The following ZNRF1 variants were observed in gnomAD, a reference collection of about 807,000 sequenced individuals.
The protein encoded by ZNRF1 is zinc and ring finger 1.
Under a neutral mutation model 18.4 loss-of-function variants are expected in ZNRF1, and 3 were observed. That is an observed-to-expected ratio of 0.16 (90% CI 0.07 to 0.42). The LOEUF (loss-of-function observed/expected upper bound fraction) is 0.42, where lower values mean the gene tolerates loss of function less well. ZNRF1 is among the 10% of genes least tolerant of loss of function. The pLI is 0.99. For synonymous variants in ZNRF1, 157 were observed against 144.2 expected (o/e 1.09, Z -0.64); for missense variants, 310 against 329.8 (o/e 0.94, Z 0.47).
intron 2 of ZNRF1, among the ~76,000 whole-genome samples, chr16:75,102,187 C>T (rs1314092024): frequency 2.0e-5 from 3 of 152,132 alleles, no homozygotes; most frequent in African/African-American, 7.2e-5. Flanking sequence ...GAAGAATCTT[C>T]ATTTTATGGG....
At chr16:75,049,123 G>C (rs1311529272) in intron 1 of ZNRF1, among the ~76,000 whole-genome samples, 1 of 151,754 alleles carries the variant, frequency 6.6e-6, no homozygotes, top group East Asian at 1.9e-4. Context: ...TCCTGCCTCA[G>C]CCTCCTGAAT....
chr16:75,002,935 AG>A (rs1784505941), intron 1 of ZNRF1, among the ~76,000 whole-genome samples: 1 of 152,166 alleles, frequency 6.6e-6, no homozygotes. Context: ...TATTCTCTCC[AG>A]TCACTCACCT....
intron 1 of ZNRF1, among the ~76,000 whole-genome samples, chr16:75,007,573 A>T (rs1167240013): frequency 7.9e-5 from 12 of 152,210 alleles, no homozygotes; most frequent in Admixed American, 7.9e-4. Flanking sequence ...AAAGAGGCAG[A>T]TAAAAACAAG....
intron 1 of ZNRF1, among the ~76,000 whole-genome samples, chr16:75,081,273 A>T (rs953117010): frequency 2.6e-5 from 4 of 152,202 alleles, no homozygotes; most frequent in African/African-American, 9.7e-5. Flanking sequence ...CTGTTTTTCT[A>T]GGAAGGTCTT....
chr16:75,071,126 G>A (rs2035865265), intron 1 of ZNRF1, among the ~76,000 whole-genome samples: 1 of 147,926 alleles, frequency 6.8e-6, no homozygotes, highest in African/African-American at 2.5e-5. Context: ...TTGAGACTGA[G>A]TCTTGCTCTG....
At chr16:75,033,959 C>A (rs1166209315) in intron 1 of ZNRF1, among the ~76,000 whole-genome samples, 2 of 148,118 alleles carry the variant, frequency 1.4e-5, no homozygotes, top group East Asian at 4.1e-4. Context: ...CCAGTCTGGG[C>A]AACATGGTGA....
chr16:75,038,699 T>C (rs1424799789), intron 1 of ZNRF1, among the ~76,000 whole-genome samples: 2 of 152,214 alleles, frequency 1.3e-5, no homozygotes, highest in Non-Finnish European at 2.9e-5. Flanking sequence ...AACAGTAAGA[T>C]GCTCTCCAGG....
intron 1 of ZNRF1, among the ~76,000 whole-genome samples, chr16:75,031,827 C>A (rs559689606): frequency 1.3e-5 from 2 of 152,074 alleles, no homozygotes; most frequent in Non-Finnish European, 2.9e-5. Context: ...TAGAATTGCT[C>A]GGTCAGTTCT....
chr16:75,099,013 C>T (rs564498799), intron 2 of ZNRF1, among the ~76,000 whole-genome samples: 1 of 152,292 alleles, frequency 6.6e-6, no homozygotes, highest in East Asian at 1.9e-4. Context: ...TTCCTCCATC[C>T]ACCTTGGGTC....
At chr16:75,086,330 C>T (rs1034117896) in intron 1 of ZNRF1, among the ~76,000 whole-genome samples, 2 of 152,198 alleles carry the variant, frequency 1.3e-5, no homozygotes, top group Non-Finnish European at 2.9e-5. Flanking sequence ...CTTCTGATGT[C>T]TGCTTATGAG....
At chr16:75,077,480 C>G (rs533300037) in intron 1 of ZNRF1, among the ~76,000 whole-genome samples, 2 of 152,278 alleles carry the variant, frequency 1.3e-5, no homozygotes, top group South Asian at 4.2e-4. Flanking sequence ...TGCGGTGAGC[C>G]AAGACCGCAC....
At chr16:75,041,900 G>A (rs1410588805) in intron 1 of ZNRF1, among the ~76,000 whole-genome samples, 4 of 152,024 alleles carry the variant, frequency 2.6e-5, no homozygotes, top group African/African-American at 9.7e-5. Flanking sequence ...GGAGCCTGAG[G>A]CAGGAGAATC....
chr16:75,069,539 G>A (rs111513015), intron 1 of ZNRF1, among the ~76,000 whole-genome samples: 5 of 152,192 alleles, frequency 3.3e-5, no homozygotes, highest in African/African-American at 7.2e-5. Flanking sequence ...TTAGCCTCTC[G>A]AGTAGCTGGA....
At chr16:75,015,760 C>T (rs893665010) in intron 1 of ZNRF1, among the ~76,000 whole-genome samples, 4 of 151,880 alleles carry the variant, frequency 2.6e-5, no homozygotes, top group African/African-American at 9.7e-5. Flanking sequence ...ATTCAAAGTA[C>T]TGGGATAATA....
chr16:75,080,264 C>T (rs1219544488), intron 1 of ZNRF1, among the ~76,000 whole-genome samples: 2 of 152,166 alleles, frequency 1.3e-5, no homozygotes, highest in Non-Finnish European at 2.9e-5. Context: ...ATTCTGCATC[C>T]CAGGATTATG....
At position 75,109,103 on chromosome 16, in the gene ZNRF1, C is replaced by G. The variant is rs1451893336; in HGVS notation, c.*1403C>G. The stretch of plus-strand genomic sequence containing the variant: ...CGTTCCACTCGCCCTGCCTGTTGTT[C>G]AGTTTGCGTCTCAGTGCTGACTCAC... On this transcript the variant is annotated 3_prime_UTR_variant, in exon 5 of 5. Transcript: ENST00000335325. The G allele has an allele frequency of 6.6e-6, 1 of 152,574 alleles. No homozygotes were observed. Among genetic ancestry groups the G allele is most frequent in the Non-Finnish European group, 1.5e-5 (1 of 68,246 alleles). 9.5% of individuals were successfully genotyped at this position (152,574 alleles called of 1,614,324 possible).
intron 1 of ZNRF1, among the ~76,000 whole-genome samples, chr16:75,079,012 A>T (rs183117661): frequency 3.0e-3 from 460 of 152,180 alleles, no homozygotes; most frequent in African/African-American, 0.011. Context: ...CTTACTCCCA[A>T]CCTTCTCCTT....
chr16:75,020,149 A>C (rs993472694), intron 1 of ZNRF1, among the ~76,000 whole-genome samples: 1 of 152,236 alleles, frequency 6.6e-6, no homozygotes, highest in Non-Finnish European at 1.5e-5. Context: ...TGTTTCCTAG[A>C]GAATTGTAGA....
At chr16:75,098,821 C>A (rs1384864880) in intron 2 of ZNRF1, among the ~76,000 whole-genome samples, 3 of 152,214 alleles carry the variant, frequency 2.0e-5, no homozygotes, top group Non-Finnish European at 4.4e-5. Context: ...CACGGGCTTT[C>A]CCTCCCAGCC....
Sources: gnomAD v4.1 joint callset for allele counts (sites outside exome capture counted in the v4.1 genomes callset) on GRCh38, gnomAD v4.1.1 for gene constraint, MANE v1.5 for transcripts, NCBI Gene and HGNC (gene_info 2026-07-23, HGNC 2026-07-21) for gene names.